Variants in MAGEA3 observed in about 807,000 individuals in gnomAD.
MAGEA3 encodes MAGE family member A3, also known as melanoma-associated antigen 3.
For missense variants in MAGEA3, 207 were observed against 239.1 expected, an observed-to-expected ratio of 0.87 and a Z score of 0.89; for synonymous variants, 110 against 102.2, an observed-to-expected ratio of 1.08 and a Z score of -0.46.
rs1453772304 is a variant in MAGEA3 at position 152,700,675 on chromosome X, AAGG to A, written c.-75_-73del. On this transcript the variant is annotated 5_prime_UTR_variant, in exon 2 of 3. Coordinates refer to ENST00000370278, the MANE Select transcript of MAGEA3 (RefSeq NM_005362.4). ...ACCAGAGGCCCCCGGAGGAGCACTGAAGGAGAAGATCTGTAAGTAAGCCTTTGT... is the reference window on the plus strand; with the variant it reads ...ACCAGAGGCCCCCGGAGGAGCACTGAAGAAGATCTGTAAGTAAGCCTTTGT... 1.3e-6 allele frequency: 1 copy of A among 758,638 alleles called. No individual in the cohort carries two copies. Among genetic ancestry groups the A allele is most frequent in the Non-Finnish European group, 2.0e-6 (1 of 488,847 alleles). 62.5% of individuals were successfully genotyped at this position (758,638 alleles called of 1,213,427 possible). A position where few individuals can be genotyped will look rare whatever the true frequency, so the allele number is the denominator to read the frequency against.
At position 152,701,834 on chromosome X, in the gene MAGEA3, TCCGGGG is replaced by T; in HGVS notation, c.*61_*66del. ...GGAGGGGGTCTGGGCCAGTGCACCT[TCCGGGG>T]CCGCATCCCTTAGTTTCCACTGCCT... On this transcript the variant is annotated 3_prime_UTR_variant, in exon 3 of 3. Transcript: ENST00000370278. 8.9e-7 allele frequency: 1 copy of T among 1,118,712 alleles called. No homozygotes were observed. Among genetic ancestry groups the T allele is most frequent in the African/African-American group, 1.8e-5 (1 of 55,606 alleles). 92.2% of individuals were successfully genotyped at this position (1,118,712 alleles called of 1,213,427 possible).
chrX:152,700,523 T>A (rs1644010403), intron 1 of MAGEA3, 99 bp from the exon 2 acceptor site: 2 of 452,974 alleles, frequency 4.4e-6, no homozygotes, highest in Non-Finnish European at 7.8e-6. Flanking sequence ...ACACATGGAC[T>A]CCAGAGCGCC....
At position 152,701,489 on chromosome X, in the gene MAGEA3, G is replaced by T; in HGVS notation, c.657G>T (p.Glu219Asp). The change falls in exon 3 of 3, where the codon GAG becomes GAT. Residue 219 changes from glutamate to aspartate, a missense_variant. Coordinates refer to ENST00000370278, the MANE Select transcript of MAGEA3 (RefSeq NM_005362.4). ...IAREGDCAPE[E>D]KIWEELSVLE... ...GAGAGGGCGACTGTGCCCCTGAGGA[G>T]AAAATCTGGGAGGAGCTGAGTGTGT... The T allele has an allele frequency of 8.3e-7, 1 of 1,210,396 alleles. No individual in the cohort carries two copies. The highest frequency in any genetic ancestry group is 3.0e-5 in the East Asian group (1 of 33,784).
In MAGEA3 at chrX:152,701,960, C is replaced by A. The variant is rs782235413; in HGVS notation, c.*183C>A. On this transcript the variant is annotated 3_prime_UTR_variant, in exon 3 of 3. Transcript: ENST00000370278. Reference sequence around the variant, plus strand: ...TCTGTTGGATGACTTTGAGATTATTCTTTGTTTCCTGTTGGAGTTGTTCAA... The same window carrying A: ...TCTGTTGGATGACTTTGAGATTATTATTTGTTTCCTGTTGGAGTTGTTCAA... 1 of 482,517 alleles carries A rather than the reference C, an allele frequency of 2.1e-6. No individual in the cohort carries two copies. The highest frequency in any genetic ancestry group is 2.5e-5 in the African/African-American group (1 of 40,399). 39.8% of individuals were successfully genotyped at this position (482,517 alleles called of 1,213,427 possible).
At chrX:152,700,227 G>A (rs1177891240) in intron 1 of MAGEA3, among the ~76,000 whole-genome samples, 1 of 108,855 alleles carries the variant, frequency 9.2e-6, no homozygotes, top group Non-Finnish European at 1.9e-5. Context: ...AAGGAGAAAG[G>A]TGAGGGCCCT....
rs1931795593 is a variant in MAGEA3, at chrX:152,702,085, CTTGT to C, written c.*311_*314del. On this transcript the variant is annotated 3_prime_UTR_variant, in exon 3 of 3. Transcript: ENST00000370278. ...GTTTATATAGTTTAGGAGTAAGAGT[CTTGT>C]TTTTTACTCAAATTGGGAAATCCAT... 1 of 320,589 alleles carries C rather than the reference CTTGT, an allele frequency of 3.1e-6. No individual in the cohort carries two copies. Among genetic ancestry groups the C allele is most frequent in the African/African-American group, 2.7e-5 (1 of 37,650 alleles). 26.4% of individuals were successfully genotyped at this position (320,589 alleles called of 1,213,427 possible).
At position 152,701,047 on chromosome X, in the gene MAGEA3, C is replaced by T. The variant is rs782667045; in HGVS notation, c.215C>T (p.Pro72Leu). Residue 72 changes from proline (P) to leucine (L), a missense_variant, in exon 3 of 3, where the codon CCC becomes CTC. Transcript: ENST00000370278. The stretch of plus-strand genomic sequence containing the variant: ...AGTCCTCAGGGAGCCTCCAGCCTCC[C>T]CACTACCATGAACTACCCTCTCTGG... ...PQSPQGASSLPTTMNYPLWSQ... is the reference protein window; with the variant it reads ...PQSPQGASSLLTTMNYPLWSQ... The T allele has an allele frequency of 8.4e-7, 1 of 1,195,096 alleles. No individual in the cohort carries two copies. Among genetic ancestry groups the T allele is most frequent in the African/African-American group, 1.9e-5 (1 of 53,485 alleles).
In MAGEA3 at chrX:152,701,697, C is replaced by A; in HGVS notation, c.865C>A (p.His289Asn). ...AACCAGCTATGTGAAAGTCCTGCAC[C>A]ATATGGTAAAGATCAGTGGAGGACC... The part of the protein sequence containing the change: ...VETSYVKVLH[H>N]MVKISGGPHI... The change falls in exon 3 of 3, where the codon CAT (histidine) becomes AAT (asparagine). Residue 289 changes from histidine (H) to asparagine (N), a missense_variant. His to Asn is a moderately conservative substitution (Grantham distance 68). Transcript: ENST00000370278. The A allele has an allele frequency of 8.3e-7, 1 of 1,210,396 alleles. No homozygotes were observed. Among genetic ancestry groups the A allele is most frequent in the East Asian group, 3.0e-5 (1 of 33,803 alleles).
chrX:152,701,244 A>T lies in MAGEA3; in HGVS notation c.412A>T (p.Ser138Cys), dbSNP rs1931743280. ...GGTCACAAAGGCAGAAATGCTGGGG[A>T]GTGTCGTCGGAAATTGGCAGTATTT... ...EPVTKAEMLGSVVGNWQYFFP... is the reference protein window; with the variant it reads ...EPVTKAEMLGCVVGNWQYFFP... The change falls in exon 3 of 3, where the codon AGT becomes TGT. Residue 138 changes from serine (S) to cysteine (C), a missense_variant. Ser to Cys is a moderately radical substitution (Grantham distance 112). Transcript: ENST00000370278. The T allele has an allele frequency of 8.3e-7, 1 of 1,207,739 alleles. No homozygotes were observed. The highest frequency in any genetic ancestry group is 2.2e-5 in the Admixed American group (1 of 45,760).
chrX:152,701,635 G>T lies in MAGEA3; in HGVS notation c.803G>T (p.Cys268Phe), dbSNP rs782087165. Reference protein sequence around the residue: ...YRQVPGSDPACYEFLWGPRAL... With the variant: ...YRQVPGSDPAFYEFLWGPRAL... Reference sequence around the variant, plus strand: ...CAGGTCCCCGGCAGTGATCCTGCATGTTATGAATTCCTGTGGGGTCCAAGG... The same window carrying T: ...CAGGTCCCCGGCAGTGATCCTGCATTTTATGAATTCCTGTGGGGTCCAAGG... Residue 268 changes from cysteine to phenylalanine, a missense_variant, in exon 3 of 3, where the codon TGT becomes TTT. Cys to Phe is a radical substitution (Grantham distance 205). Coordinates refer to ENST00000370278, the MANE Select transcript of MAGEA3 (RefSeq NM_005362.4). 4.1e-6 allele frequency: 5 copies of T among 1,209,052 alleles called. No homozygotes were observed. The African/African-American group carries it at 8.7e-5, about 21-fold the overall frequency.
In MAGEA3 at chrX:152,701,691, C is replaced by T. The variant is rs1556827146; in HGVS notation, c.859C>T (p.Leu287=). The T allele has an allele frequency of 3.3e-5, 40 of 1,208,800 alleles. No individual in the cohort carries two copies. The highest frequency in any genetic ancestry group is 4.0e-5 in the Non-Finnish European group (36 of 894,323). ...ALVETSYVKV[L]HHMVKISGGP... is the part of the protein sequence containing the mutation. ...CGTTGAAACCAGCTATGTGAAAGTC[C>T]TGCACCATATGGTAAAGATCAGTGG... Residue 287 remains leucine (L), a synonymous_variant, in exon 3 of 3, where the codon CTG becomes TTG. Transcript: ENST00000370278.
rs1214515306 is a variant in MAGEA3, at chrX:152,700,631, G to A, written c.-122G>A. On this transcript the variant is annotated 5_prime_UTR_variant, in exon 2 of 3. Coordinates refer to ENST00000370278, the MANE Select transcript of MAGEA3 (RefSeq NM_005362.4). ...TCACTTCCTCCTTCAGGTTCTGAGG[G>A]GACAGGCTGACCTGGAGGACCAGAG... 8.3e-5 allele frequency: 62 copies of A among 744,028 alleles called. 9 individuals carry two copies. The African/African-American group carries it at 1.1e-3, about 13-fold the overall frequency. The allele number at this position is 744,028 out of a possible 1,213,427, so 61.3% of individuals were successfully genotyped here.
chrX:152,701,617 C>T lies in MAGEA3; in HGVS notation c.785C>T (p.Pro262Leu). 8.3e-7 allele frequency: 1 copy of T among 1,210,238 alleles called. No individual in the cohort carries two copies. The highest frequency in any genetic ancestry group is 1.1e-6 in the Non-Finnish European group (1 of 894,462). Residue 262 changes from proline (P) to leucine (L), a missense_variant, in exon 3 of 3, where the codon CCC becomes CTC. By Grantham distance (98) the Pro-to-Leu change is moderately conservative. Transcript: ENST00000370278. ...QENYLEYRQV[P>L]GSDPACYEFL... ...AACTACCTGGAGTACCGGCAGGTCC[C>T]CGGCAGTGATCCTGCATGTTATGAA...
At position 152,701,764 on chromosome X, in the gene MAGEA3, A is replaced by T. The variant is rs782046696; in HGVS notation, c.932A>T (p.Glu311Val). The T allele has an allele frequency of 2.4e-5, 29 of 1,205,530 alleles. No homozygotes were observed. The highest frequency in any genetic ancestry group is 3.1e-5 in the Non-Finnish European group (28 of 892,914). ...CCCCTGCATGAGTGGGTTTTGAGAGAGGGGGAAGAGTGAGTCTGAGCACGA... is the reference window on the plus strand; with the variant it reads ...CCCCTGCATGAGTGGGTTTTGAGAGTGGGGGAAGAGTGAGTCTGAGCACGA... ...YPPLHEWVLREGEE is the reference protein window; with the variant it reads ...YPPLHEWVLRVGEE The change falls in exon 3 of 3, where the codon GAG becomes GTG. Residue 311 changes from glutamate to valine, a missense_variant. Physicochemically the swap from Glu to Val is moderately radical, Grantham distance 121 (BLOSUM62 -2). Coordinates refer to ENST00000370278, the MANE Select transcript of MAGEA3 (RefSeq NM_005362.4).
Position 152,700,838 on chromosome X carries a change from T to C in MAGEA3, c.6T>C (p.Pro2=), listed in dbSNP as rs1375523092. M[P]LEQRSQHCKP... ...TTGCCCTGACCAGAGTCATCATGCCTCTTGAGCAGAGGAGTCAGCACTGCA... is the reference window on the plus strand; with the variant it reads ...TTGCCCTGACCAGAGTCATCATGCCCCTTGAGCAGAGGAGTCAGCACTGCA... The change falls in exon 3 of 3, where the codon CCT becomes CCC. Residue 2 remains proline (P), a synonymous_variant. Transcript: ENST00000370278. The C allele has an allele frequency of 2.6e-6, 2 of 764,582 alleles. No individual in the cohort carries two copies. Among genetic ancestry groups the C allele is most frequent in the East Asian group, 6.4e-5 (2 of 31,337 alleles). The allele number at this position is 764,582 out of a possible 1,213,427, so 63.0% of individuals were successfully genotyped here.
rs1448194730 is a variant in MAGEA3, at chrX:152,701,075, C to G, written c.243C>G (p.Ser81Arg). ...LPTTMNYPLW[S>R]QSYEDSSNQE... Reference sequence around the variant, plus strand: ...CTACCATGAACTACCCTCTCTGGAGCCAATCCTATGAGGACTCCAGCAACC... The same window carrying G: ...CTACCATGAACTACCCTCTCTGGAGGCAATCCTATGAGGACTCCAGCAACC... Residue 81 changes from serine (S) to arginine (R), a missense_variant, in exon 3 of 3, where the codon AGC becomes AGG. Physicochemically the swap from Ser to Arg is moderately radical, Grantham distance 110 (BLOSUM62 -1). Transcript: ENST00000370278. 8.3e-7 allele frequency: 1 copy of G among 1,201,275 alleles called. No individual in the cohort carries two copies. The highest frequency in any genetic ancestry group is 3.0e-5 in the East Asian group (1 of 33,528).
At position 152,701,289 on chromosome X, in the gene MAGEA3, A is replaced by G. The variant is rs1556826413; in HGVS notation, c.457A>G (p.Lys153Glu). The change falls in exon 3 of 3, where the codon AAA becomes GAA. Residue 153 changes from lysine to glutamate, a missense_variant. Coordinates refer to ENST00000370278, the MANE Select transcript of MAGEA3 (RefSeq NM_005362.4). Reference protein sequence around the residue: ...WQYFFPVIFSKASSSLQLVFG... With the variant: ...WQYFFPVIFSEASSSLQLVFG... The stretch of plus-strand genomic sequence containing the variant: ...GTATTTCTTTCCTGTGATCTTCAGC[A>G]AAGCTTCCAGTTCCTTGCAGCTGGT... The G allele has an allele frequency of 8.3e-6, 10 of 1,207,867 alleles. No homozygotes were observed. The African/African-American group carries it at 1.6e-4, about 19-fold the overall frequency.
At chrX:152,700,589 T>G in intron 1 of MAGEA3, 33 bp from the exon 2 acceptor site, 2 of 607,250 alleles carry the variant, frequency 3.3e-6, no homozygotes, top group Non-Finnish European at 5.7e-6. Context: ...TGGCCGGATG[T>G]ACCCTGAGGT....
chrX:152,701,713 G>A lies in MAGEA3; in HGVS notation c.881G>A (p.Ser294Asn). 1 of 1,210,284 alleles carries A rather than the reference G, an allele frequency of 8.3e-7. No individual in the cohort carries two copies. Among genetic ancestry groups the A allele is most frequent in the Non-Finnish European group, 1.1e-6 (1 of 894,537 alleles). ...VKVLHHMVKI[S>N]GGPHISYPPL... ...GTCCTGCACCATATGGTAAAGATCA[G>A]TGGAGGACCTCACATTTCCTACCCA... Residue 294 changes from serine to asparagine, a missense_variant, in exon 3 of 3, where the codon AGT (serine) becomes AAT (asparagine). Physicochemically the swap from Ser to Asn is conservative, Grantham distance 46. Coordinates refer to ENST00000370278, the MANE Select transcript of MAGEA3 (RefSeq NM_005362.4).
Sources: gnomAD v4.1 joint callset for allele counts (sites outside exome capture counted in the v4.1 genomes callset) on GRCh38, gnomAD v4.1.1 for gene constraint, MANE v1.5 for transcripts, NCBI Gene and HGNC (gene_info 2026-07-23, HGNC 2026-07-21) for gene names.